The following SPMIP4 variants were observed in gnomAD, a reference collection of about 807,000 sequenced individuals.
The protein encoded by SPMIP4 is sperm microtubule inner protein 4.
the SPMIP4 span, chr7:25,142,758 G>C: frequency 1.3e-6 from 2 of 1,589,988 alleles, no homozygotes; most frequent in Non-Finnish European, 8.5e-7. Flanking sequence ...TAGGAGCGAA[G>C]GTTTTAGGAG....
the SPMIP4 span, chr7:25,142,349 CCTT>C: frequency 1.3e-6 from 2 of 1,534,592 alleles, no homozygotes; most frequent in South Asian, 2.3e-5. Flanking sequence ...GGAAACATCA[CCTT>C]ATTATTTTGT....
the SPMIP4 span, among the ~76,000 whole-genome samples, chr7:25,165,746 T>TG: frequency 6.6e-6 from 1 of 152,376 alleles, no homozygotes; most frequent in Non-Finnish European, 1.5e-5. Context: ...TCAGTAAATC[T>TG]GGGGTGGAGG....
chr7:25,126,656 A>G, the SPMIP4 span, among the ~76,000 whole-genome samples: 1 of 152,154 alleles, frequency 6.6e-6, no homozygotes, highest in African/African-American at 2.4e-5. Flanking sequence ...AAGTTGTTAT[A>G]GCTATTATTT....
chr7:25,161,823 T>C, the SPMIP4 span, among the ~76,000 whole-genome samples: 7,911 of 59,116 alleles, frequency 0.13, 716 homozygotes, highest in African/African-American at 0.34. Context: ...TAATTTCAGA[T>C]GGATTTAAAA....
the SPMIP4 span, chr7:25,151,832 C>T: frequency 2.0e-6 from 1 of 491,776 alleles, no homozygotes. Flanking sequence ...ATTCAGCTTG[C>T]TCTTGAATTC....
the SPMIP4 span, among the ~76,000 whole-genome samples, chr7:25,156,957 G>C: frequency 6.6e-6 from 1 of 152,176 alleles, no homozygotes; most frequent in East Asian, 1.9e-4. Context: ...AAAGTGCTGG[G>C]ATTACAGGCA....
the SPMIP4 span, among the ~76,000 whole-genome samples, chr7:25,145,779 T>C: frequency 6.6e-6 from 1 of 152,222 alleles, no homozygotes. Flanking sequence ...TCATAACCTA[T>C]TTAATAAACA....
chr7:25,128,439 C>T, the SPMIP4 span, among the ~76,000 whole-genome samples: 53 of 152,182 alleles, frequency 3.5e-4, no homozygotes, highest in Non-Finnish European at 1.2e-4. This position sits in a 1 kb window ranked among gnomAD's most constrained non-coding sequence, Gnocchi z 4.5. Flanking sequence ...CTCTTCCCTC[C>T]TCTTTCCTCA....
the SPMIP4 span, among the ~76,000 whole-genome samples, chr7:25,171,579 G>C: frequency 1.3e-5 from 2 of 152,114 alleles, no homozygotes; most frequent in Middle Eastern, 3.4e-3. Flanking sequence ...AAAATACTGG[G>C]AGGAGAAAAA....
the SPMIP4 span, chr7:25,168,586 C>T: frequency 1.3e-6 from 1 of 790,192 alleles, no homozygotes; most frequent in South Asian, 2.1e-5. Flanking sequence ...CTTCAGAACA[C>T]AGAATTCTCA....
chr7:25,134,818 T>C, the SPMIP4 span: 1 of 985,408 alleles, frequency 1.0e-6, no homozygotes, highest in Non-Finnish European at 1.2e-6. Context: ...TTGCATTACA[T>C]ATTAAAGGCT....
chr7:25,140,869 G>A, the SPMIP4 span, among the ~76,000 whole-genome samples: 2 of 152,198 alleles, frequency 1.3e-5, no homozygotes, highest in African/African-American at 4.8e-5. Context: ...TTACAGGCAT[G>A]AGCCACCGAG....
At chr7:25,161,093 A>G in the SPMIP4 span, 2 of 651,406 alleles carry the variant, frequency 3.1e-6, no homozygotes, top group Middle Eastern at 3.1e-4. Flanking sequence ...TGTTTCTCTA[A>G]AAGTCCCCAT....
At chr7:25,142,857 G>A in the SPMIP4 span, 2 of 1,376,084 alleles carry the variant, frequency 1.5e-6, no homozygotes, top group Non-Finnish European at 1.9e-6. Context: ...ATGTCATCTA[G>A]TAGAATAAGA....
the SPMIP4 span, among the ~76,000 whole-genome samples, chr7:25,149,578 T>G: frequency 6.6e-6 from 1 of 152,306 alleles, no homozygotes; most frequent in African/African-American, 2.4e-5. Flanking sequence ...GCCAAAAATA[T>G]TTATGTACAA....
At chr7:25,146,170 G>C in the SPMIP4 span, among the ~76,000 whole-genome samples, 1 of 152,214 alleles carries the variant, frequency 6.6e-6, no homozygotes, top group African/African-American at 2.4e-5. Context: ...GAGATGGAGA[G>C]AGGGAGCAAA....
chr7:25,127,825 T>G, the SPMIP4 span, among the ~76,000 whole-genome samples: 1 of 152,202 alleles, frequency 6.6e-6, no homozygotes, highest in Non-Finnish European at 1.5e-5. Context: ...TATTTTTTTG[T>G]ATCCACCCTT....
At chr7:25,132,354 GTC>G in the SPMIP4 span, among the ~76,000 whole-genome samples, 3 of 152,184 alleles carry the variant, frequency 2.0e-5, no homozygotes, top group Non-Finnish European at 4.4e-5. This position sits in a 1 kb window ranked among gnomAD's most constrained non-coding sequence, Gnocchi z 5.0. Context: ...AGCTAGTCCT[GTC>G]TCTCAGTATA....
At chr7:25,135,615 C>A in the SPMIP4 span, 75 of 863,468 alleles carry the variant, frequency 8.7e-5, no homozygotes, top group African/African-American at 1.3e-3. Flanking sequence ...CATTTGAGTT[C>A]TTTCCAGCTT....
Sources: gnomAD v4.1 joint callset for allele counts (sites outside exome capture counted in the v4.1 genomes callset) on GRCh38, gnomAD v4.1.1 for gene constraint, Gnocchi (gnomAD v3.1) non-coding constraint, MANE v1.5 for transcripts, NCBI Gene and HGNC (gene_info 2026-07-23, HGNC 2026-07-21) for gene names.